RAD23A: variants seen among roughly 807,000 people sequenced by gnomAD.
RAD23A encodes RAD23 nucleotide excision repair protein A.
RAD23A carries 16 observed loss-of-function variants against 44.8 expected under a neutral mutation model. That is an observed-to-expected ratio of 0.36 (90% CI 0.24 to 0.54). RAD23A has a LOEUF of 0.54. RAD23A is among the 20% of genes least tolerant of loss of function. The pLI is 0.89. For missense variants in RAD23A, 380 were observed against 483.3 expected, an observed-to-expected ratio of 0.79 and a Z score of 2.00; for synonymous variants, 217 against 202.9, an observed-to-expected ratio of 1.07 and a Z score of -0.59.
chr19:12,947,771 G>A lies in RAD23A; in HGVS notation c.73-77G>A, dbSNP rs191438715. ...GCTTGCCTTTCTGCCATCAGGGCTG[G>A]CAGTTTCTCTGTCCTAAACTAGAAG... On this transcript the variant is annotated intron_variant, in intron 1 of 8. Transcript: ENST00000586534. 2.0e-6 allele frequency: 3 copies of A among 1,464,464 alleles called. No individual in the cohort carries two copies. The East Asian group carries it at 6.9e-5, about 34-fold the overall frequency. 90.7% of individuals were successfully genotyped at this position (1,464,464 alleles called of 1,614,324 possible).
chr19:12,949,050 G>A (rs2051749759), intron 5 of RAD23A, 31 bp from the exon 6 acceptor site: 1 of 1,599,750 alleles, frequency 6.3e-7, no homozygotes, highest in East Asian at 2.3e-5. Flanking sequence ...CAGGAGGTCT[G>A]TGCATTAGAA....
intron 7 of RAD23A, 154 bp from the exon 8 acceptor site, chr19:12,952,535 G>C: frequency 1.2e-6 from 1 of 847,612 alleles, no homozygotes; most frequent in East Asian, 2.9e-5. Context: ...CTCTTCCAGG[G>C]TAGGGCTTGT....
chr19:12,948,801 G>A lies in RAD23A; in HGVS notation c.588G>A (p.Glu196=). 1 of 1,608,298 alleles carries A rather than the reference G, an allele frequency of 6.2e-7. No homozygotes were observed. The highest frequency in any genetic ancestry group is 8.5e-7 in the Non-Finnish European group (1 of 1,178,192). ...ASYNNPHRAV[E]YLLTGIPGSP... is the part of the protein sequence containing the mutation. ...ACAACAACCCCCACCGAGCCGTGGA[G>A]TATCTGCTCACGGTGAGGTGGGGCT... Residue 196 remains glutamate, a synonymous_variant, in exon 5 of 9, where the codon GAG becomes GAA. Coordinates refer to ENST00000586534, the MANE Select transcript of RAD23A (RefSeq NM_005053.4). The surrounding 1 kb of genome is among the most constrained non-coding windows in gnomAD (Gnocchi z 5.5).
chr19:12,953,567 G>A lies in RAD23A; in HGVS notation c.*518G>A, dbSNP rs1334962268. The A allele has an allele frequency of 6.5e-6, 1 of 153,754 alleles. No homozygotes were observed. Among genetic ancestry groups the A allele is most frequent in the Admixed American group, 6.5e-5 (1 of 15,300 alleles). The allele number at this position is 153,754 out of a possible 1,614,324, so 9.5% of individuals were successfully genotyped here. On this transcript the variant is annotated 3_prime_UTR_variant, in exon 9 of 9. Coordinates refer to ENST00000586534, the MANE Select transcript of RAD23A (RefSeq NM_005053.4). ...GGAGAAGGGCTAACATCAGCTCATT[G>A]TCAAGGCCACCCCCACCCCAGAACA... is the stretch of plus-strand genomic sequence containing the variant.
Position 12,948,227 on chromosome 19 carries a change from T to G in RAD23A, c.285T>G (p.Ala95=). 1.2e-6 allele frequency: 2 copies of G among 1,614,072 alleles called. No individual in the cohort carries two copies. The highest frequency in any genetic ancestry group is 1.7e-6 in the Non-Finnish European group (2 of 1,180,006). ...TSAPPEASPT[A]APESSTSFPP... ...CACCCCCAGAGGCCTCACCCACAGC[T>G]GCCCCAGAGTCCTCTACATCCTTCC... Residue 95 remains alanine (A), a synonymous_variant, in exon 3 of 9, where the codon GCT becomes GCG. Transcript: ENST00000586534. The surrounding 1 kb of genome is among the most constrained non-coding windows in gnomAD (Gnocchi z 5.5).
intron 1 of RAD23A, among the ~76,000 whole-genome samples, chr19:12,946,942 C>T (rs1365944955): frequency 6.6e-6 from 1 of 152,192 alleles, no homozygotes; most frequent in African/African-American, 2.4e-5. Flanking sequence ...TGGCTTCCGC[C>T]TGTAATCCCA....
At chr19:12,946,569 T>C (rs567393144) in intron 1 of RAD23A, among the ~76,000 whole-genome samples, 33 of 152,334 alleles carry the variant, frequency 2.2e-4, no homozygotes, top group East Asian at 3.9e-4. Flanking sequence ...GGGCTTGTCA[T>C]TGGGGACCTC....
In RAD23A at chr19:12,945,942, C is replaced by G. The variant is rs759568892; in HGVS notation, c.-7C>G. Reference sequence around the variant, plus strand: ...TCCCGGGGCCGCCGCGTCGCTCGGGCCCCGCCATGGCCGTCACCATCACGC... The same window carrying G: ...TCCCGGGGCCGCCGCGTCGCTCGGGGCCCGCCATGGCCGTCACCATCACGC... On this transcript the variant is annotated 5_prime_UTR_variant, in exon 1 of 9. Coordinates refer to ENST00000586534, the MANE Select transcript of RAD23A (RefSeq NM_005053.4). 3.7e-6 allele frequency: 6 copies of G among 1,607,098 alleles called. No individual in the cohort carries two copies. Among genetic ancestry groups the G allele is most frequent in the South Asian group, 1.1e-5 (1 of 90,818 alleles).
intron 6 of RAD23A, 30 bp from the exon 7 acceptor site, chr19:12,949,245 G>C (rs1428707639): frequency 6.2e-7 from 1 of 1,613,708 alleles, no homozygotes; most frequent in African/African-American, 1.3e-5. Flanking sequence ...GCCCGGCGTG[G>C]TGTCTGACTG....
chr19:12,946,596 G>A (rs1049644400), intron 1 of RAD23A, among the ~76,000 whole-genome samples: 14 of 152,198 alleles, frequency 9.2e-5, no homozygotes, highest in African/African-American at 3.4e-4. Flanking sequence ...TTTTACAGAT[G>A]TGGAAACCTA....
At chr19:12,949,851 C>A (rs1200142145) in intron 7 of RAD23A, among the ~76,000 whole-genome samples, 3 of 151,978 alleles carry the variant, frequency 2.0e-5, no homozygotes, top group Non-Finnish European at 4.4e-5. Flanking sequence ...CTCCATCTTG[C>A]CCTTGAAGGT....
In RAD23A at chr19:12,952,829, G is replaced by A. The variant is rs770198630; in HGVS notation, c.954G>A (p.Pro318=). 26 of 1,606,038 alleles carry A rather than the reference G, an allele frequency of 1.6e-5. No individual in the cohort carries two copies. Among genetic ancestry groups the A allele is most frequent in the East Asian group, 2.2e-5 (1 of 44,744 alleles). Residue 318 remains proline (P), a synonymous_variant, in exon 8 of 9, where the codon CCG becomes CCA. Coordinates refer to ENST00000586534, the MANE Select transcript of RAD23A (RefSeq NM_005053.4). ...AGATGAACTACATCCAGGTGACGCC[G>A]CAGGAGAAAGAAGCTATAGAGAGGG... is the stretch of plus-strand genomic sequence containing the variant. ...APQMNYIQVT[P]QEKEAIERLK... is the part of the protein sequence containing the mutation.
At chr19:12,949,520 A>G in intron 7 of RAD23A, 112 bp downstream of exon 7, 17 of 1,420,770 alleles carry the variant, frequency 1.2e-5, no homozygotes, top group Non-Finnish European at 1.5e-5. Context: ...AGGACTAAGC[A>G]CATGCTTCCC....
intron 7 of RAD23A, among the ~76,000 whole-genome samples, chr19:12,950,987 C>A (rs1222707633): frequency 5.3e-5 from 8 of 152,174 alleles, no homozygotes. Context: ...TCGCTTGAAC[C>A]CAGGAGGCAG....
At chr19:12,946,308 C>G (rs912321753) in intron 1 of RAD23A, among the ~76,000 whole-genome samples, 3 of 152,242 alleles carry the variant, frequency 2.0e-5, no homozygotes, top group African/African-American at 7.2e-5. Flanking sequence ...GAGTCACAAG[C>G]TCGGATTCCT....
At chr19:12,951,480 C>G (rs773400402) in intron 7 of RAD23A, among the ~76,000 whole-genome samples, 7 of 151,558 alleles carry the variant, frequency 4.6e-5, no homozygotes, top group Admixed American at 1.3e-4. Context: ...GAGTTTCGCT[C>G]TTGTTGCCCA....
chr19:12,952,527 C>CT (rs958091593), intron 7 of RAD23A, 162 bp from the exon 8 acceptor site: 9 of 804,666 alleles, frequency 1.1e-5, no homozygotes, highest in Non-Finnish European at 1.5e-5. Context: ...ATCATCAGCT[C>CT]TTCCAGGGTA....
Position 12,949,423 on chromosome 19 carries a change from G to T in RAD23A, c.813+15G>T, listed in dbSNP as rs1568453822. 6.2e-7 allele frequency: 1 copy of T among 1,609,408 alleles called. No homozygotes were observed. The highest frequency in any genetic ancestry group is 8.5e-7 in the Non-Finnish European group (1 of 1,176,266). ...AGCTTTTACAGGTGTGGTCCCAAGG[G>T]CAGAGGGAGCTAGGGCAGCCACCAT... On this transcript the variant is annotated intron_variant, in intron 7 of 8. Transcript: ENST00000586534.
intron 7 of RAD23A, among the ~76,000 whole-genome samples, chr19:12,951,760 C>T (rs1971818596): frequency 6.6e-6 from 1 of 152,160 alleles, no homozygotes; most frequent in Non-Finnish European, 1.5e-5. Context: ...TCACTCTGTT[C>T]CTGCTTCTGT....
Sources: gnomAD v4.1 joint callset for allele counts (sites outside exome capture counted in the v4.1 genomes callset) on GRCh38, gnomAD v4.1.1 for gene constraint, Gnocchi (gnomAD v3.1) non-coding constraint, MANE v1.5 for transcripts, NCBI Gene and HGNC (gene_info 2026-07-23, HGNC 2026-07-21) for gene names.